RPS6KC1: variants seen among roughly 807,000 people sequenced by gnomAD.
The protein encoded by RPS6KC1 is inactive ribosomal protein S6 kinase delta-1.
In RPS6KC1, 54 loss-of-function variants were observed where a neutral mutation model predicts 103.8. That is an observed-to-expected ratio of 0.52 (90% CI 0.42 to 0.65). The LOEUF (loss-of-function observed/expected upper bound fraction) is 0.65. Ranked by LOEUF, RPS6KC1 falls within the 30% of genes least tolerant of loss-of-function variation. The probability of loss-of-function intolerance (pLI) is 0.00; values close to 1 mark genes in which losing one functional copy is unlikely to be tolerated. For synonymous variants in RPS6KC1, 439 were observed against 438.7 expected, an observed-to-expected ratio of 1.00 and a Z score of -0.01; for missense variants, 1,151 against 1,253.8, an observed-to-expected ratio of 0.92 and a Z score of 1.24.
the RPS6KC1 span, among the ~76,000 whole-genome samples, chr1:213,792,392 G>C: frequency 6.6e-6 from 1 of 152,154 alleles, no homozygotes. Flanking sequence ...AGGCAGGCCA[G>C]CTCTCATCTC....
At chr1:213,191,656 C>T (rs1490684413) in intron 8 of RPS6KC1, among the ~76,000 whole-genome samples, 2 of 152,044 alleles carry the variant, frequency 1.3e-5, no homozygotes, top group Non-Finnish European at 2.9e-5. Context: ...ATTGCTCTAG[C>T]AAAGACTTCT....
chr1:213,349,588 C>T, the RPS6KC1 span, among the ~76,000 whole-genome samples: 3 of 152,174 alleles, frequency 2.0e-5, no homozygotes, highest in African/African-American at 7.2e-5. Context: ...TTAGGAGGAT[C>T]ATAGATGGGC....
At chr1:213,067,410 T>C (rs1220942311) in intron 1 of RPS6KC1, among the ~76,000 whole-genome samples, 2 of 152,218 alleles carry the variant, frequency 1.3e-5, no homozygotes, top group Admixed American at 6.5e-5. Context: ...AGTTTCCATG[T>C]TTATCCAAAA....
the RPS6KC1 span, among the ~76,000 whole-genome samples, chr1:213,547,364 G>A: frequency 6.6e-6 from 1 of 152,218 alleles, no homozygotes. Context: ...GCCACAGGCA[G>A]TACCAATGCT....
At chr1:213,097,635 T>C (rs550995286) in intron 3 of RPS6KC1, among the ~76,000 whole-genome samples, 1 of 152,358 alleles carries the variant, frequency 6.6e-6, no homozygotes, top group South Asian at 2.1e-4. Context: ...TTCTCCTGTC[T>C]AGGTATGAAA....
the RPS6KC1 span, among the ~76,000 whole-genome samples, chr1:213,672,565 CTT>C: frequency 1.3e-5 from 2 of 152,132 alleles, no homozygotes; most frequent in Non-Finnish European, 2.9e-5. Flanking sequence ...TGCTATGTCT[CTT>C]ATTACCCCTT....
At chr1:213,703,201 TAAAC>T in the RPS6KC1 span, among the ~76,000 whole-genome samples, 1,236 of 152,248 alleles carry the variant, frequency 8.1e-3, 19 homozygotes, top group African/African-American at 0.028. Flanking sequence ...CATAAACAAA[TAAAC>T]AAGCAAGTGA....
At chr1:213,632,270 C>T in the RPS6KC1 span, among the ~76,000 whole-genome samples, 1 of 152,190 alleles carries the variant, frequency 6.6e-6, no homozygotes, top group African/African-American at 2.4e-5. Context: ...AGAGAAAATA[C>T]CAAGGGGTAT....
chr1:213,705,888 C>G, the RPS6KC1 span, among the ~76,000 whole-genome samples: 8 of 152,164 alleles, frequency 5.3e-5, no homozygotes, highest in African/African-American at 9.7e-5. Flanking sequence ...CTTCTAGAAG[C>G]TACAGCCTAG....
At chr1:213,414,331 TA>T in the RPS6KC1 span, among the ~76,000 whole-genome samples, 1 of 152,206 alleles carries the variant, frequency 6.6e-6, no homozygotes, top group African/African-American at 2.4e-5. Context: ...CATGTGACCT[TA>T]TTTGGAAAGG....
At chr1:213,790,378 G>C in the RPS6KC1 span, among the ~76,000 whole-genome samples, 9 of 152,122 alleles carry the variant, frequency 5.9e-5, no homozygotes, top group African/African-American at 2.2e-4. Context: ...CATCATTGGT[G>C]AGTAGGGCAT....
the RPS6KC1 span, among the ~76,000 whole-genome samples, chr1:213,292,097 T>C: frequency 6.6e-6 from 1 of 151,758 alleles, no homozygotes; most frequent in Non-Finnish European, 1.5e-5. Flanking sequence ...CTGGGGACTG[T>C]TGAGGGGTGG....
At chr1:213,739,359 C>A in the RPS6KC1 span, among the ~76,000 whole-genome samples, 1 of 152,070 alleles carries the variant, frequency 6.6e-6, no homozygotes, top group East Asian at 1.9e-4. Flanking sequence ...GGCTTCTGGT[C>A]AACAGTAGGC....
At chr1:213,400,996 C>G in the RPS6KC1 span, among the ~76,000 whole-genome samples, 1 of 152,124 alleles carries the variant, frequency 6.6e-6, no homozygotes. Context: ...TGTGAGCCAC[C>G]GTGCTCGTCC....
chr1:213,452,088 TCACTTTATAATAATTGTTCCCTCA>T, the RPS6KC1 span, among the ~76,000 whole-genome samples: 3 of 152,218 alleles, frequency 2.0e-5, no homozygotes, highest in African/African-American at 7.2e-5. Flanking sequence ...TGCAAATCCT[TCACTTTATAATAATTGTTCCCTCA>T]CACTTTTGAA....
At chr1:213,781,128 G>T in the RPS6KC1 span, among the ~76,000 whole-genome samples, 1,106 of 152,330 alleles carry the variant, frequency 7.3e-3, 13 homozygotes, top group South Asian at 0.046. Context: ...GTGCAGACAG[G>T]TGGAGGCAAG....
At chr1:213,556,168 G>A in the RPS6KC1 span, among the ~76,000 whole-genome samples, 1 of 152,202 alleles carries the variant, frequency 6.6e-6, no homozygotes, top group African/African-American at 2.4e-5. Flanking sequence ...CCAAGTTTGA[G>A]TTGGGATTTT....
the RPS6KC1 span, among the ~76,000 whole-genome samples, chr1:213,333,263 A>G: frequency 9.9e-5 from 15 of 152,182 alleles, no homozygotes; most frequent in African/African-American, 3.4e-4. Context: ...TATGACCACA[A>G]TTCCTGCTGT....
chr1:213,328,141 G>A, the RPS6KC1 span, among the ~76,000 whole-genome samples: 9 of 152,214 alleles, frequency 5.9e-5, no homozygotes, highest in African/African-American at 1.9e-4. Flanking sequence ...TTTCAACTCC[G>A]TATCCCCAGT....
Sources: allele counts gnomAD v4.1 joint callset (sites outside exome capture counted in the v4.1 genomes callset), GRCh38; gene constraint gnomAD v4.1.1; transcripts MANE v1.5; gene names NCBI Gene and HGNC (gene_info 2026-07-23, HGNC 2026-07-21).